Variants in BBIP1 observed in about 807,000 individuals in gnomAD.
BBIP1 encodes the protein BBSome interacting protein 1.
A neutral mutation model predicts 8.9 loss-of-function variants in BBIP1; 6 were observed. That is an observed-to-expected ratio of 0.67 (90% confidence interval 0.37 to 1.33). The LOEUF (loss-of-function observed/expected upper bound fraction) is 1.33. Ranked by LOEUF, BBIP1 falls within the 40% of genes most tolerant of loss-of-function variation. The pLI is 0.02. For synonymous variants in BBIP1, 32 were observed against 33.4 expected (o/e 0.96, Z 0.14); for missense variants, 111 against 109.2 (o/e 1.02, Z -0.07).
chr10:110,909,616 A>G (rs2134035790), intron 2 of BBIP1, among the ~76,000 whole-genome samples: 1 of 152,356 alleles, frequency 6.6e-6, no homozygotes, highest in South Asian at 2.1e-4. Flanking sequence ...CACACCTATT[A>G]CATATTTGGG....
intron 2 of BBIP1, chr10:110,907,804 A>G (rs1251636131): frequency 1.4e-6 from 1 of 701,204 alleles, no homozygotes; most frequent in Non-Finnish European, 2.6e-6. Context: ...GGACTTTCTG[A>G]TAAGATTCCA....
At chr10:110,915,021 GTTGT>G (rs1302345184) in intron 2 of BBIP1, among the ~76,000 whole-genome samples, 2 of 152,182 alleles carry the variant, frequency 1.3e-5, no homozygotes, top group East Asian at 1.9e-4. Flanking sequence ...AAAGAGAAAA[GTTGT>G]TTGATACTTT....
rs551264245 is a variant in BBIP1 at position 110,917,320 on chromosome 10, A to C, written c.37+801T>G. On this transcript the variant is annotated intron_variant, in intron 2 of 3. Coordinates refer to ENST00000448814, the MANE Select transcript of BBIP1 (RefSeq NM_001195305.3). ...AAGTTACAAAACAGCTGAAATAATG[A>C]TATTGTGTTTTGCTGGAGAACTTCA... Among the ~76,000 whole-genome samples the C allele has an allele frequency of 9.9e-5, 15 of 151,242 alleles. No homozygotes were observed. In the South Asian group the frequency reaches 2.1e-3, roughly 21 times the overall value.
At chr10:110,906,485 A>G (rs1346926493) in intron 2 of BBIP1, 1 of 152,260 alleles carries the variant, frequency 6.6e-6, no homozygotes, top group African/African-American at 2.4e-5. Context: ...ATATCTGTTA[A>G]TAAGAAGACA....
At chr10:110,910,145 T>G (rs1411062863) in intron 2 of BBIP1, among the ~76,000 whole-genome samples, 3 of 152,124 alleles carry the variant, frequency 2.0e-5, no homozygotes, top group African/African-American at 7.2e-5. Context: ...AAACATGACA[T>G]TGGAGCTAGT....
At chr10:110,908,003 G>A in intron 2 of BBIP1, 7 of 463,326 alleles carry the variant, frequency 1.5e-5, no homozygotes, top group Non-Finnish European at 2.7e-5. Context: ...GACCAGTATT[G>A]CCTAGAACAC....
rs1161567474 is a variant in BBIP1 at position 110,899,193 on chromosome 10, G to A, written c.*1167C>T. 1 of 152,130 alleles carries A rather than the reference G, an allele frequency of 6.6e-6. No homozygotes were observed. The allele number at this position is 152,130 out of a possible 1,614,324, so 9.4% of individuals were successfully genotyped here. On this transcript the variant is annotated 3_prime_UTR_variant, in exon 4 of 4. Coordinates refer to ENST00000448814, the MANE Select transcript of BBIP1 (RefSeq NM_001195305.3). ...AACTCAGCAAGGCCTCAACGTCTGT[G>A]CTAATTTAAACTGCCAAATATTGAC...
intron 2 of BBIP1, chr10:110,904,167 G>A (rs1233083653): frequency 1.3e-5 from 2 of 152,194 alleles, no homozygotes; most frequent in Non-Finnish European, 1.5e-5. Flanking sequence ...GGACAGATGG[G>A]CCAAGGGAGA....
intron 2 of BBIP1, among the ~76,000 whole-genome samples, chr10:110,914,470 G>C (rs1018897982): frequency 6.6e-6 from 1 of 151,810 alleles, no homozygotes; most frequent in Non-Finnish European, 1.5e-5. Flanking sequence ...AAGGTGAAAA[G>C]GGGAGCCCAG....
chr10:110,900,454 G>T lies in BBIP1; in HGVS notation c.185C>A (p.Thr62Asn), dbSNP rs1412235969. The T allele has an allele frequency of 6.5e-7, 1 of 1,535,640 alleles. No individual in the cohort carries two copies. The highest frequency in any genetic ancestry group is 2.4e-5 in the East Asian group (1 of 40,892). The change falls in exon 4 of 4, where the codon ACT becomes AAT. Residue 62 changes from threonine (T) to asparagine (N), a missense_variant. By Grantham distance (65) the Thr-to-Asn change is moderately conservative. Transcript: ENST00000448814. Reference protein sequence around the residue: ...KPKLLPLKSLTLEKLEKMHQA... With the variant: ...KPKLLPLKSLNLEKLEKMHQA... The stretch of plus-strand genomic sequence containing the variant: ...ATGCATTTTCTCTAGTTTTTCCAGA[G>T]TCAGAGATTTTAAGGGTAAAAGTTT...
At chr10:110,916,949 G>A (rs964727798) in intron 2 of BBIP1, among the ~76,000 whole-genome samples, 2 of 152,180 alleles carry the variant, frequency 1.3e-5, no homozygotes, top group African/African-American at 2.4e-5. Context: ...GGCAAAGTGC[G>A]TATAGCTGCG....
chr10:110,902,081 A>G (rs924978309), intron 2 of BBIP1: 2 of 160,038 alleles, frequency 1.2e-5, no homozygotes, highest in African/African-American at 4.8e-5. Context: ...ACTTGTCTCA[A>G]CGGCCAACAG....
chr10:110,919,321 G>C (rs1846547490), upstream of BBIP1: 4 of 353,918 alleles, frequency 1.1e-5, no homozygotes, highest in African/African-American at 2.1e-5. Context: ...TCTGTAGCCC[G>C]GCTAGCCAGA....
At chr10:110,905,875 A>G (rs185048196) in intron 2 of BBIP1, among the ~76,000 whole-genome samples, 205 of 152,226 alleles carry the variant, frequency 1.3e-3, no homozygotes, top group African/African-American at 4.6e-3. Flanking sequence ...ACATAACAGC[A>G]ATTTGATAGC....
Position 110,899,013 on chromosome 10 carries a change from C to T in BBIP1, c.*1347G>A, listed in dbSNP as rs1310703143. 6.6e-6 allele frequency: 1 copy of T among 152,080 alleles called. No individual in the cohort carries two copies. The highest frequency in any genetic ancestry group is 1.5e-5 in the Non-Finnish European group (1 of 67,994). 9.4% of individuals were successfully genotyped at this position (152,080 alleles called of 1,614,324 possible). ...AAATATGTAATACCTTCCATCATTC[C>T]ATCATCCTTAAATTCTGTTACCAAA... On this transcript the variant is annotated 3_prime_UTR_variant, in exon 4 of 4. Transcript: ENST00000448814.
At chr10:110,913,968 G>A (rs1157827787) in intron 2 of BBIP1, among the ~76,000 whole-genome samples, 5 of 152,158 alleles carry the variant, frequency 3.3e-5, no homozygotes, top group African/African-American at 9.7e-5. Flanking sequence ...ATCTGGCAAC[G>A]TCAAGCCCAC....
chr10:110,901,373 C>T, intron 3 of BBIP1, 165 bp downstream of exon 3: 1 of 594,382 alleles, frequency 1.7e-6, no homozygotes, highest in Non-Finnish European at 3.0e-6. Context: ...ATTTGTTATC[C>T]TTTTACTGGA....
intron 1 of BBIP1, chr10:110,918,743 C>T (rs1279473241): frequency 1.3e-5 from 2 of 152,692 alleles, no homozygotes; most frequent in African/African-American, 4.8e-5. Context: ...AAACCGCCTT[C>T]CAACGGAAGC....
intron 1 of BBIP1, among the ~76,000 whole-genome samples, 167 bp from the exon 2 acceptor site, chr10:110,918,380 G>T (rs999536098): frequency 3.9e-5 from 6 of 152,218 alleles, no homozygotes; most frequent in Non-Finnish European, 5.9e-5. Context: ...GGAAAGGGGG[G>T]AAAAATCAGA....
Sources: allele counts gnomAD v4.1 joint callset (sites outside exome capture counted in the v4.1 genomes callset), GRCh38; gene constraint gnomAD v4.1.1; transcripts MANE v1.5; gene names NCBI Gene and HGNC (gene_info 2026-07-23, HGNC 2026-07-21).